The following DDN variants were observed in gnomAD, a reference collection of about 807,000 sequenced individuals.
The protein encoded by DDN is dendrin.
DDN carries 4 observed loss-of-function variants against 7.3 expected under a neutral mutation model. The observed-to-expected ratio is 0.55, with a 90% CI of 0.27 to 1.25. The LOEUF (loss-of-function observed/expected upper bound fraction) is 1.25, where lower values mean the gene tolerates loss of function less well. DDN is among the 50% of genes most tolerant of loss of function. The probability of loss-of-function intolerance (pLI) is 0.12; values close to 1 mark genes in which losing one functional copy is unlikely to be tolerated. For missense variants in DDN, 933 were observed against 974.7 expected (o/e 0.96, Z 0.57); for synonymous variants, 425 against 424.3 (o/e 1.00, Z -0.02).
In DDN at chr12:48,998,636, C is replaced by T. The variant is rs746937537; in HGVS notation, c.240G>A (p.Pro80=). Residue 80 remains proline, a synonymous_variant, in exon 2 of 2, where the codon CCG becomes CCA. Transcript: ENST00000421952. ...TCGPRPGSPQ[P]PPRRPWASRV... Reference sequence around the variant, plus strand: ...TGGAGGCCCAGGGCCGGCGGGGCGGCGGCTGTGGGGATCCCGGGCGCGGCC... The same window carrying T: ...TGGAGGCCCAGGGCCGGCGGGGCGGTGGCTGTGGGGATCCCGGGCGCGGCC... 2.6e-6 allele frequency: 4 copies of T among 1,536,948 alleles called. No individual in the cohort carries two copies. The highest frequency in any genetic ancestry group is 3.5e-6 in the Non-Finnish European group (4 of 1,151,156).
At position 48,998,053 on chromosome 12, in the gene DDN, G is replaced by A. The variant is rs769036493; in HGVS notation, c.823C>T (p.Pro275Ser). 99 of 1,613,776 alleles carry A rather than the reference G, an allele frequency of 6.1e-5. No individual in the cohort carries two copies. The highest frequency in any genetic ancestry group is 8.0e-5 in the Non-Finnish European group (94 of 1,180,044). ...DGGRTKKRLD[P>S]RIYRDVLGAW... ...CCGAGGACGTCCCGGTAGATCCGAG[G>A]ATCCAGCCTCTTCTTTGTGCGCCCT... The change falls in exon 2 of 2, where the codon CCT (proline) becomes TCT (serine). Residue 275 changes from proline (P) to serine (S), a missense_variant. By Grantham distance (74) the Pro-to-Ser change is moderately conservative (BLOSUM62 -1). Coordinates refer to ENST00000421952, the MANE Select transcript of DDN (RefSeq NM_015086.2).
At position 48,997,722 on chromosome 12, in the gene DDN, C is replaced by A; in HGVS notation, c.1154G>T (p.Cys385Phe). 3 of 1,585,672 alleles carry A rather than the reference C, an allele frequency of 1.9e-6. No homozygotes were observed. The highest frequency in any genetic ancestry group is 2.6e-6 in the Non-Finnish European group (3 of 1,162,856). The change falls in exon 2 of 2, where the codon TGC becomes TTC. Residue 385 changes from cysteine (C) to phenylalanine (F), a missense_variant. Transcript: ENST00000421952. Reference sequence around the variant, plus strand: ...CTGCTTTTTAGGGGAGGGAATCCAGCATTTGGGAAACCAGATCTGTTCTCC... The same window carrying A: ...CTGCTTTTTAGGGGAGGGAATCCAGAATTTGGGAAACCAGATCTGTTCTCC... ...KEGEQIWFPKCWIPSPKKQPP... is the reference protein window; with the variant it reads ...KEGEQIWFPKFWIPSPKKQPP...
Position 48,999,308 on chromosome 12 carries a change from C to A in DDN, c.-21G>T. ...AGCATCCTGCCCCACCCCACCCCGG[C>A]CCCCCACCCTCCCACCCGCCCCAGG... is the stretch of plus-strand genomic sequence containing the variant. On this transcript the variant is annotated 5_prime_UTR_variant, in exon 1 of 2. Transcript: ENST00000421952. 1 of 1,494,648 alleles carries A rather than the reference C, an allele frequency of 6.7e-7. No homozygotes were observed. The highest frequency in any genetic ancestry group is 1.2e-5 in the South Asian group (1 of 80,134). 92.6% of individuals were successfully genotyped at this position (1,494,648 alleles called of 1,614,324 possible). A position where few individuals can be genotyped will look rare whatever the true frequency, so the allele number is the denominator to read the frequency against.
chr12:48,998,683 G>T lies in DDN; in HGVS notation c.210-17C>A. The T allele has an allele frequency of 6.8e-7, 1 of 1,476,602 alleles. No homozygotes were observed. Among genetic ancestry groups the T allele is most frequent in the South Asian group, 1.4e-5 (1 of 72,820 alleles). The allele number at this position is 1,476,602 out of a possible 1,614,324, so 91.5% of individuals were successfully genotyped here. On this transcript the variant is annotated splice_polypyrimidine_tract_variant and intron_variant, in intron 1 of 1. Transcript: ENST00000421952. ...GGCCCACACCTGGGACAATGAGCAG[G>T]AACCCAGGTGAGCAGTTTGTGGGGG...
In DDN at chr12:48,997,339, G is replaced by A. The variant is rs1285974802; in HGVS notation, c.1537C>T (p.Arg513Trp). The A allele has an allele frequency of 1.2e-6, 2 of 1,610,414 alleles. No homozygotes were observed. Among genetic ancestry groups the A allele is most frequent in the Non-Finnish European group, 1.7e-6 (2 of 1,178,696 alleles). Residue 513 changes from arginine to tryptophan, a missense_variant, in exon 2 of 2, where the codon CGG (arginine) becomes TGG (tryptophan). By Grantham distance (101) the Arg-to-Trp change is moderately radical. Coordinates refer to ENST00000421952, the MANE Select transcript of DDN (RefSeq NM_015086.2). ...TGTAAAAGGCGACTGCTCGACAGCC[G>A]CTTTTGACAAGGGGAAGGAAAGACC... is the stretch of plus-strand genomic sequence containing the variant. ...ATVFPSPCQK[R>W]LSSSRLLHQP... is the part of the protein sequence containing the mutation.
In DDN at chr12:48,998,158, A is replaced by C. The variant is rs774833963; in HGVS notation, c.718T>G (p.Leu240Val). 1 of 1,613,372 alleles carries C rather than the reference A, an allele frequency of 6.2e-7. No homozygotes were observed. ...TTCCCGGGGCCTCTCTTAGTCCCCA[A>C]GGTCCTATGGGGGCCTTCGTAAGAA... ...PPSYEGPHRT[L>V]GTKRGPGNSQ... The change falls in exon 2 of 2, where the codon TTG becomes GTG. Residue 240 changes from leucine to valine, a missense_variant. By Grantham distance (32) the Leu-to-Val change is conservative. Coordinates refer to ENST00000421952, the MANE Select transcript of DDN (RefSeq NM_015086.2).
Position 48,996,930 on chromosome 12 carries a change from G to A in DDN, c.1946C>T (p.Pro649Leu), listed in dbSNP as rs372394613. 14 of 1,600,380 alleles carry A rather than the reference G, an allele frequency of 8.7e-6. No individual in the cohort carries two copies. In the African/African-American group the frequency reaches 1.7e-4, roughly 20 times the overall value. ...GSSDGSDTEA[P>L]GASWRNERTL... ...CCTCTCATTCCGCCAGGAGGCGCCC[G>A]GGGCTTCTGTGTCGCTTCCATCAGA... The change falls in exon 2 of 2, where the codon CCG becomes CTG. Residue 649 changes from proline to leucine, a missense_variant. Pro to Leu is a moderately conservative substitution (Grantham distance 98). Coordinates refer to ENST00000421952, the MANE Select transcript of DDN (RefSeq NM_015086.2).
In DDN at chr12:48,996,761, C is replaced by A. The variant is rs1189944038; in HGVS notation, c.2115G>T (p.Gln705His). The change falls in exon 2 of 2, where the codon CAG becomes CAT. Residue 705 changes from glutamine (Q) to histidine (H), a missense_variant. Coordinates refer to ENST00000421952, the MANE Select transcript of DDN (RefSeq NM_015086.2). ...CCTCTCACTGCCTCTTCCTATTTCC[C>A]TGTTGGGTCCCTCTGATGTCCCTCA... is the stretch of plus-strand genomic sequence containing the variant. ...FGVRDIRGTQ[Q>H]GNRKRQ The A allele has an allele frequency of 5.0e-6, 8 of 1,614,042 alleles. No individual in the cohort carries two copies. The highest frequency in any genetic ancestry group is 6.8e-6 in the Non-Finnish European group (8 of 1,179,938).
Position 48,996,783 on chromosome 12 carries a change from C to T in DDN, c.2093G>A (p.Arg698Lys). 1.2e-6 allele frequency: 2 copies of T among 1,614,138 alleles called. No individual in the cohort carries two copies. The highest frequency in any genetic ancestry group is 1.7e-6 in the Non-Finnish European group (2 of 1,179,998). The change falls in exon 2 of 2, where the codon AGG (arginine) becomes AAG (lysine). Residue 698 changes from arginine to lysine, a missense_variant. By Grantham distance (26) the Arg-to-Lys change is conservative (BLOSUM62 2). Transcript: ENST00000421952. ...TCCCTGTTGGGTCCCTCTGATGTCCCTCACCCCGAAGAGGACCTCCTCGGT... is the reference window on the plus strand; with the variant it reads ...TCCCTGTTGGGTCCCTCTGATGTCCTTCACCCCGAAGAGGACCTCCTCGGT... ...SQTEEVLFGVRDIRGTQQGNR... is the reference protein window; with the variant it reads ...SQTEEVLFGVKDIRGTQQGNR...
rs749495543 is a variant in DDN, at chr12:48,997,213, C to T, written c.1663G>A (p.Glu555Lys). 6.3e-7 allele frequency: 1 copy of T among 1,583,236 alleles called. No homozygotes were observed. Among genetic ancestry groups the T allele is most frequent in the South Asian group, 1.2e-5 (1 of 86,136 alleles). ...TFRILGLPAPEVNLRDAPTQP... is the reference protein window; with the variant it reads ...TFRILGLPAPKVNLRDAPTQP... Reference sequence around the variant, plus strand: ...GTGGGGGCGTCCCGCAGGTTTACTTCGGGGGCCGGGAGCCCCAAGATGCGG... The same window carrying T: ...GTGGGGGCGTCCCGCAGGTTTACTTTGGGGGCCGGGAGCCCCAAGATGCGG... The change falls in exon 2 of 2, where the codon GAA (glutamate) becomes AAA (lysine). Residue 555 changes from glutamate to lysine, a missense_variant. By Grantham distance (56) the Glu-to-Lys change is moderately conservative. Transcript: ENST00000421952.
Position 48,998,263 on chromosome 12 carries a change from C to A in DDN, c.613G>T (p.Ala205Ser). ...GCAGAACCTCTCAGCAGCAGGTGAG[C>A]CTCGTAGCTTGGGGGCCCGGGCCGC... ...GRRPGPPSYEAHLLLRGSAGT... is the reference protein window; with the variant it reads ...GRRPGPPSYESHLLLRGSAGT... The change falls in exon 2 of 2, where the codon GCT becomes TCT. Residue 205 changes from alanine (A) to serine (S), a missense_variant. Coordinates refer to ENST00000421952, the MANE Select transcript of DDN (RefSeq NM_015086.2). The A allele has an allele frequency of 6.2e-7, 1 of 1,608,792 alleles. No individual in the cohort carries two copies. Among genetic ancestry groups the A allele is most frequent in the South Asian group, 1.1e-5 (1 of 90,838 alleles).
chr12:48,998,800 G>A, intron 1 of DDN, 134 bp from the exon 2 acceptor site: 7 of 1,160,618 alleles, frequency 6.0e-6, no homozygotes, highest in Middle Eastern at 3.0e-4. Flanking sequence ...GCGTGTGCAC[G>A]TGCGTATATG....
rs1359975575 is a variant in DDN, at chr12:48,999,224, A to C, written c.64T>G (p.Ser22Ala). Residue 22 changes from serine to alanine, a missense_variant, in exon 1 of 2, where the codon TCT becomes GCT. Coordinates refer to ENST00000421952, the MANE Select transcript of DDN (RefSeq NM_015086.2). ...DSPRELQDEE[S>A]GSCLWVQKSK... ...TTCTGCACCCAGAGGCAGCTGCCAGACTCCTCATCCTGGAGCTCCCGGGGG... is the reference window on the plus strand; with the variant it reads ...TTCTGCACCCAGAGGCAGCTGCCAGCCTCCTCATCCTGGAGCTCCCGGGGG... 2 of 1,593,060 alleles carry C rather than the reference A, an allele frequency of 1.3e-6. No individual in the cohort carries two copies. Among genetic ancestry groups the C allele is most frequent in the Admixed American group, 3.5e-5 (2 of 56,924 alleles).
In DDN at chr12:48,997,060, G is replaced by T; in HGVS notation, c.1816C>A (p.Pro606Thr). ...AGRGWARTPG[P>T]YAGALREAVS... ...GCTTCTCGCAGGGCCCCGGCGTAGGGCCCTGGGGTCCGCGCCCAGCCCCGG... is the reference window on the plus strand; with the variant it reads ...GCTTCTCGCAGGGCCCCGGCGTAGGTCCCTGGGGTCCGCGCCCAGCCCCGG... The change falls in exon 2 of 2, where the codon CCC (proline) becomes ACC (threonine). Residue 606 changes from proline to threonine, a missense_variant. By Grantham distance (38) the Pro-to-Thr change is conservative. Coordinates refer to ENST00000421952, the MANE Select transcript of DDN (RefSeq NM_015086.2). 2 of 1,529,540 alleles carry T rather than the reference G, an allele frequency of 1.3e-6. No homozygotes were observed. The highest frequency in any genetic ancestry group is 2.2e-5 in the Admixed American group (1 of 45,950). 94.7% of individuals were successfully genotyped at this position (1,529,540 alleles called of 1,614,324 possible).
At position 48,997,637 on chromosome 12, in the gene DDN, T is replaced by C. The variant is rs556249847; in HGVS notation, c.1239A>G (p.Arg413=). Residue 413 remains arginine, a synonymous_variant, in exon 2 of 2, where the codon AGA becomes AGG. Coordinates refer to ENST00000421952, the MANE Select transcript of DDN (RefSeq NM_015086.2). ...CCCCCTCTCCAAGACCCAGAGATTC[T>C]CTCCATCCGGTGCCTCCGGGAGCCC... ...RPWAPGGTGW[R]ESLGLGEGAG... 6.5e-5 allele frequency: 101 copies of C among 1,548,138 alleles called. No homozygotes were observed. The South Asian group carries it at 1.1e-3, about 17-fold the overall frequency.
Position 48,997,566 on chromosome 12 carries a change from T to C in DDN, c.1310A>G (p.His437Arg), listed in dbSNP as rs1273269522. 4.4e-6 allele frequency: 7 copies of C among 1,595,774 alleles called. No individual in the cohort carries two copies. The highest frequency in any genetic ancestry group is 6.0e-6 in the Non-Finnish European group (7 of 1,168,506). The change falls in exon 2 of 2, where the codon CAC becomes CGC. Residue 437 changes from histidine to arginine, a missense_variant. By Grantham distance (29) the His-to-Arg change is conservative. Coordinates refer to ENST00000421952, the MANE Select transcript of DDN (RefSeq NM_015086.2). ...LEGWKATRRA[H>R]TLPRSSQGLS... Reference sequence around the variant, plus strand: ...GCCCTGGGAACTGCGGGGCAAGGTGTGGGCACGGCGGGTCGCCTTCCAACC... The same window carrying C: ...GCCCTGGGAACTGCGGGGCAAGGTGCGGGCACGGCGGGTCGCCTTCCAACC...
Position 48,995,956 on chromosome 12 carries a change from C to T in DDN, c.*784G>A, listed in dbSNP as rs948157348. 6.6e-6 allele frequency: 1 copy of T among 152,318 alleles called. No individual in the cohort carries two copies. The highest frequency in any genetic ancestry group is 6.5e-5 in the Admixed American group (1 of 15,272). 9.4% of individuals were successfully genotyped at this position (152,318 alleles called of 1,614,324 possible). A position where few individuals can be genotyped will look rare whatever the true frequency, so the allele number is the denominator to read the frequency against. ...GGATAGGAGTGCCTCACTCCCTTAC[C>T]TCTTCTGCAAGCCTTGGGCAGTCTC... On this transcript the variant is annotated 3_prime_UTR_variant, in exon 2 of 2. Coordinates refer to ENST00000421952, the MANE Select transcript of DDN (RefSeq NM_015086.2).
In DDN at chr12:48,999,313, C is replaced by G; in HGVS notation, c.-26G>C. On this transcript the variant is annotated 5_prime_UTR_variant, in exon 1 of 2. Coordinates refer to ENST00000421952, the MANE Select transcript of DDN (RefSeq NM_015086.2). ...CCTGCCCCACCCCACCCCGGCCCCC[C>G]ACCCTCCCACCCGCCCCAGGAGCCC... is the stretch of plus-strand genomic sequence containing the variant. 6.7e-7 allele frequency: 1 copy of G among 1,502,162 alleles called. No homozygotes were observed. The highest frequency in any genetic ancestry group is 1.4e-5 in the African/African-American group (1 of 70,498). 93.1% of individuals were successfully genotyped at this position (1,502,162 alleles called of 1,614,324 possible).
Position 48,998,170 on chromosome 12 carries a change from G to A in DDN, c.706C>T (p.Pro236Ser). Residue 236 changes from proline to serine, a missense_variant, in exon 2 of 2, where the codon CCC becomes TCC. Transcript: ENST00000421952. ...CTCTTAGTCCCCAAGGTCCTATGGG[G>A]GCCTTCGTAAGAAGGTGGAGCCACG... ...PYVAPPSYEGPHRTLGTKRGP... is the reference protein window; with the variant it reads ...PYVAPPSYEGSHRTLGTKRGP... The A allele has an allele frequency of 1.2e-6, 2 of 1,613,004 alleles. No homozygotes were observed. The highest frequency in any genetic ancestry group is 1.7e-6 in the Non-Finnish European group (2 of 1,179,760).
Sources: allele counts gnomAD v4.1 joint callset, GRCh38; gene constraint gnomAD v4.1.1; transcripts MANE v1.5; gene names NCBI Gene and HGNC (gene_info 2026-07-23, HGNC 2026-07-21).